The following ZNF827 variants were observed in gnomAD, a reference collection of about 807,000 sequenced individuals.
ZNF827 encodes zinc finger protein 827.
In ZNF827, 13 loss-of-function variants were observed where a neutral mutation model predicts 102.4. The observed-to-expected ratio is 0.13, with a 90% confidence interval of 0.08 to 0.20. ZNF827 has a LOEUF of 0.20. ZNF827 is among the 10% of genes least tolerant of loss of function. The probability of loss-of-function intolerance (pLI) is 1.00; values close to 1 mark genes in which losing one functional copy is unlikely to be tolerated. For missense variants in ZNF827, 1,103 were observed against 1,344.4 expected, an observed-to-expected ratio of 0.82 and a Z score of 2.81; for synonymous variants, 523 against 536.2, an observed-to-expected ratio of 0.98 and a Z score of 0.34.
rs560867035 is a variant in ZNF827 at position 145,787,336 on chromosome 4, G to A, written c.2384-7825C>T. On this transcript the variant is annotated intron_variant, in intron 8 of 14. Coordinates refer to ENST00000508784, the MANE Select transcript of ZNF827 (RefSeq NM_001306215.2). Reference sequence around the variant, plus strand: ...AAATTAGCTGAGCGTGGTGGCGCGCGCCTGTAGTCCCAGCTACTCAGGAGG... The same window carrying A: ...AAATTAGCTGAGCGTGGTGGCGCGCACCTGTAGTCCCAGCTACTCAGGAGG... 7.5e-4 allele frequency among the ~76,000 whole-genome samples: 114 copies of A among 152,040 alleles called. 2 individuals carry two copies. Among genetic ancestry groups the A allele is most frequent in the African/African-American group, 2.6e-3 (107 of 41,470 alleles).
chr4:145,898,790 A>C (rs979624306), intron 2 of ZNF827, among the ~76,000 whole-genome samples: 53 of 152,324 alleles, frequency 3.5e-4, no homozygotes, highest in African/African-American at 1.2e-3. Context: ...AAGAAGAATA[A>C]GGCCAAACCT....
intron 8 of ZNF827, among the ~76,000 whole-genome samples, chr4:145,782,744 C>T (rs913427089): frequency 2.6e-5 from 4 of 152,228 alleles, no homozygotes; most frequent in Admixed American, 2.6e-4. Flanking sequence ...CTGAGTCCTT[C>T]ATGGCCTGGC....
At chr4:145,906,880 T>TG (rs1407360222) in intron 1 of ZNF827, among the ~76,000 whole-genome samples, 1 of 152,238 alleles carries the variant, frequency 6.6e-6, no homozygotes, top group Non-Finnish European at 1.5e-5. Context: ...CAAGAAAACT[T>TG]GGATGCATGA....
intron 8 of ZNF827, among the ~76,000 whole-genome samples, chr4:145,815,586 C>G (rs1210699878): frequency 6.6e-6 from 1 of 152,002 alleles, no homozygotes; most frequent in Non-Finnish European, 1.5e-5. Flanking sequence ...TTTTTTCTAT[C>G]CTGGTTACCA....
chr4:145,916,921 T>C (rs1288220916), intron 1 of ZNF827, among the ~76,000 whole-genome samples: 2 of 152,226 alleles, frequency 1.3e-5, no homozygotes, highest in Non-Finnish European at 2.9e-5. Context: ...ATAACAAGGA[T>C]GGCCTTTACT....
chr4:145,806,591 C>T (rs1407394020), intron 8 of ZNF827, among the ~76,000 whole-genome samples: 3 of 151,614 alleles, frequency 2.0e-5, no homozygotes, highest in South Asian at 2.1e-4. Flanking sequence ...CTGTATTCTT[C>T]GACACTGGCA....
chr4:145,796,010 C>G (rs558861129), intron 8 of ZNF827, among the ~76,000 whole-genome samples: 28 of 152,272 alleles, frequency 1.8e-4, no homozygotes, highest in African/African-American at 6.3e-4. Flanking sequence ...AATGGCCTAT[C>G]AGAAGCAGTA....
intron 7 of ZNF827, among the ~76,000 whole-genome samples, chr4:145,837,596 C>T (rs1482143478): frequency 6.6e-6 from 1 of 152,174 alleles, no homozygotes; most frequent in African/African-American, 2.4e-5. Context: ...TTTTCCAAGG[C>T]ATCACAGCTG....
At chr4:145,900,025 TATTTAAACCA>T (rs1751291860) in intron 2 of ZNF827, among the ~76,000 whole-genome samples, 2 of 152,228 alleles carry the variant, frequency 1.3e-5, no homozygotes, top group Non-Finnish European at 2.9e-5. Context: ...AGATTAAGTG[TATTTAAACCA>T]AAAAGGAACA....
chr4:145,822,518 G>A (rs557771284), intron 8 of ZNF827, among the ~76,000 whole-genome samples: 95 of 152,274 alleles, frequency 6.2e-4, no homozygotes, highest in African/African-American at 2.2e-3. Context: ...AAGAGGCTGC[G>A]GGGCCAACAA....
chr4:145,914,867 C>A (rs1280798521), intron 1 of ZNF827, among the ~76,000 whole-genome samples: 3 of 152,312 alleles, frequency 2.0e-5, no homozygotes, highest in African/African-American at 7.2e-5. Context: ...TAAAAGAAAT[C>A]CAGCACTGTT....
At chr4:145,788,450 A>G (rs1234172820) in intron 8 of ZNF827, among the ~76,000 whole-genome samples, 1 of 152,210 alleles carries the variant, frequency 6.6e-6, no homozygotes. Context: ...CATTATAACA[A>G]TAATCATTTT....
At chr4:145,878,120 T>A (rs777606419) in intron 4 of ZNF827, among the ~76,000 whole-genome samples, 57 of 152,184 alleles carry the variant, frequency 3.7e-4, no homozygotes, top group Admixed American at 9.2e-4. Context: ...ACAGATCAGT[T>A]TGTAAATGAT....
At chr4:145,821,051 T>G (rs2126476649) in intron 8 of ZNF827, among the ~76,000 whole-genome samples, 1 of 152,278 alleles carries the variant, frequency 6.6e-6, no homozygotes, top group African/African-American at 2.4e-5. Flanking sequence ...TCTTTCTCAT[T>G]TTAGGATCAC....
rs145361812 is a variant in ZNF827, at chr4:145,814,582, C to T, written c.2383+8840G>A. Among the ~76,000 whole-genome samples, 181 of 149,114 alleles carry T rather than the reference C, an allele frequency of 1.2e-3. 1 individual carries two copies. The highest frequency in any genetic ancestry group is 4.2e-3 in the African/African-American group (167 of 39,738). On this transcript the variant is annotated intron_variant, in intron 8 of 14. Coordinates refer to ENST00000508784, the MANE Select transcript of ZNF827 (RefSeq NM_001306215.2). Reference sequence around the variant, plus strand: ...CTTGGCTCATTTTTCCATCTTGCTACCAGTGTTTCCTGGTCTCACCTCCTA... The same window carrying T: ...CTTGGCTCATTTTTCCATCTTGCTATCAGTGTTTCCTGGTCTCACCTCCTA...
intron 4 of ZNF827, among the ~76,000 whole-genome samples, chr4:145,879,086 G>A (rs537338190): frequency 2.2e-4 from 33 of 152,192 alleles, no homozygotes; most frequent in South Asian, 1.2e-3. Context: ...AAACAGTGAA[G>A]CAGACGGAGG....
chr4:145,918,549 C>A (rs542918696), intron 1 of ZNF827, among the ~76,000 whole-genome samples: 1 of 150,952 alleles, frequency 6.6e-6, no homozygotes, highest in East Asian at 2.0e-4. Context: ...CAACAAGTTT[C>A]ATCATCATCT....
intron 8 of ZNF827, among the ~76,000 whole-genome samples, chr4:145,784,343 G>A (rs115775345): frequency 0.015 from 2,247 of 152,288 alleles, 55 homozygotes; most frequent in African/African-American, 0.051. Context: ...GTTTGTTTCA[G>A]CCACCGTTGG....
intron 1 of ZNF827, among the ~76,000 whole-genome samples, chr4:145,933,007 A>T (rs1483249378): frequency 6.6e-6 from 1 of 152,240 alleles, no homozygotes; most frequent in Non-Finnish European, 1.5e-5. Context: ...ATACCTCTCC[A>T]GCATGATTTA....
Sources: allele counts gnomAD v4.1 joint callset (sites outside exome capture counted in the v4.1 genomes callset), GRCh38; gene constraint gnomAD v4.1.1; transcripts MANE v1.5; gene names NCBI Gene and HGNC (gene_info 2026-07-23, HGNC 2026-07-21).